Variants in OSBPL10 observed in about 807,000 individuals in gnomAD.
OSBPL10 encodes oxysterol binding protein like 10, also known as oxysterol-binding protein-related protein 10.
In OSBPL10, 49 loss-of-function variants were observed where a neutral mutation model predicts 81.7. The observed-to-expected ratio is 0.60, with a 90% CI of 0.48 to 0.76. The LOEUF is 0.76. OSBPL10 is among the 30% of genes least tolerant of loss of function. OSBPL10 has a pLI of 0.00. For synonymous variants in OSBPL10, 419 were observed against 383.6 expected (o/e 1.09, Z -1.08); for missense variants, 923 against 987.8 (o/e 0.93, Z 0.88).
intron 1 of OSBPL10, among the ~76,000 whole-genome samples, chr3:31,933,131 T>C (rs1298521777): frequency 1.3e-5 from 2 of 152,204 alleles, no homozygotes; most frequent in Admixed American, 6.5e-5. Flanking sequence ...ACTCCAGTTT[T>C]ACGCATGGAG....
chr3:31,974,354 T>G (rs908255516), intron 1 of OSBPL10, among the ~76,000 whole-genome samples: 1 of 152,200 alleles, frequency 6.6e-6, no homozygotes, highest in African/African-American at 2.4e-5. Flanking sequence ...TCTCTGCTAG[T>G]ATCTAATAAG....
chr3:31,857,305 C>T (rs1384869067), intron 3 of OSBPL10, among the ~76,000 whole-genome samples: 3 of 152,278 alleles, frequency 2.0e-5, no homozygotes, highest in East Asian at 3.9e-4. Context: ...GAGCATTAAA[C>T]TTTAAACACT....
At chr3:31,717,726 C>T (rs1361072040) in intron 6 of OSBPL10, among the ~76,000 whole-genome samples, 6 of 152,206 alleles carry the variant, frequency 3.9e-5, no homozygotes, top group African/African-American at 1.4e-4. Flanking sequence ...TACTTTTACT[C>T]AAATGTGAAA....
chr3:31,939,286 G>A lies in OSBPL10; in HGVS notation c.281+41613C>T, dbSNP rs143710938. Among the ~76,000 whole-genome samples the A allele has an allele frequency of 0.016, 2,374 of 150,844 alleles. 232 individuals are homozygous for A. The East Asian group carries it at 0.26, about 16-fold the overall frequency. On this transcript the variant is annotated intron_variant, in intron 1 of 11. Coordinates refer to ENST00000396556, the MANE Select transcript of OSBPL10 (RefSeq NM_017784.5). ...CAGCCTCCCGAGTAGCTGGGACTAC[G>A]GGCGCATGCCACCACACCCAGCTAA...
chr3:31,937,632 CCA>C (rs1697415101), intron 1 of OSBPL10, among the ~76,000 whole-genome samples: 1 of 152,164 alleles, frequency 6.6e-6, no homozygotes, highest in South Asian at 2.1e-4. Context: ...AATATCACAC[CCA>C]CAGTCCAAAA....
At chr3:31,735,707 T>C (rs1281078980) in intron 5 of OSBPL10, among the ~76,000 whole-genome samples, 1 of 152,124 alleles carries the variant, frequency 6.6e-6, no homozygotes, top group African/African-American at 2.4e-5. Context: ...GTCTCCTGTG[T>C]AGATCCAGGA....
intron 3 of OSBPL10, among the ~76,000 whole-genome samples, chr3:31,856,069 TACACACACACACACACACAC>T (rs10576489): frequency 5.1e-4 from 69 of 134,476 alleles, no homozygotes; most frequent in East Asian, 1.3e-3. Context: ...ATGTTTATAT[TACACACACACACACACACAC>T]ACACACACAC....
At chr3:31,681,699 C>A (rs566217675) in intron 8 of OSBPL10, among the ~76,000 whole-genome samples, 1 of 152,292 alleles carries the variant, frequency 6.6e-6, no homozygotes, top group East Asian at 1.9e-4. Context: ...ACTTCTCTGG[C>A]CACCCCTCAT....
chr3:31,881,355 A>G (rs548636542), intron 1 of OSBPL10, among the ~76,000 whole-genome samples: 1 of 152,358 alleles, frequency 6.6e-6, no homozygotes, highest in Non-Finnish European at 1.5e-5. Flanking sequence ...CGGGTCATAC[A>G]GTGAACTGAT....
chr3:31,850,255 G>A (rs190008000), intron 3 of OSBPL10, among the ~76,000 whole-genome samples: 2 of 152,076 alleles, frequency 1.3e-5, no homozygotes, highest in Non-Finnish European at 2.9e-5. Context: ...GATCTCTTAA[G>A]CCCAGGAGTT....
At position 31,804,704 on chromosome 3, in the gene OSBPL10, T is replaced by A. The variant is rs73059409; in HGVS notation, c.729+25336A>T. The stretch of plus-strand genomic sequence containing the variant: ...AAACGCGCTTCATGAGGACAAGATG[T>A]AATTTTACCAAAACACGAAGTGCTG... On this transcript the variant is annotated intron_variant, in intron 4 of 11. Transcript: ENST00000396556. Among the ~76,000 whole-genome samples, 724 of 152,362 alleles carry A rather than the reference T, an allele frequency of 4.8e-3. 5 individuals carry two copies. Among genetic ancestry groups the A allele is most frequent in the Non-Finnish European group, 7.9e-3 (539 of 68,034 alleles).
chr3:31,817,271 T>G (rs1017202487), intron 4 of OSBPL10, among the ~76,000 whole-genome samples: 1 of 152,104 alleles, frequency 6.6e-6, no homozygotes, highest in Non-Finnish European at 1.5e-5. Flanking sequence ...CAGGACTCTC[T>G]CTCCTGCTGC....
chr3:31,811,198 G>T (rs1699669449), intron 4 of OSBPL10, among the ~76,000 whole-genome samples: 3 of 152,072 alleles, frequency 2.0e-5, no homozygotes, highest in Non-Finnish European at 4.4e-5. Flanking sequence ...GGGGTGTGGG[G>T]GATGCTGGGG....
intron 2 of OSBPL10, among the ~76,000 whole-genome samples, chr3:32,025,011 G>GCT (rs1699391415): frequency 6.6e-6 from 1 of 152,024 alleles, no homozygotes; most frequent in African/African-American, 2.4e-5. Flanking sequence ...CATTATACTG[G>GCT]CTAGAACCTC....
chr3:31,842,819 C>A (rs564780235), intron 3 of OSBPL10, among the ~76,000 whole-genome samples: 4 of 152,090 alleles, frequency 2.6e-5, no homozygotes, highest in Admixed American at 6.5e-5. Context: ...AAAACTGATA[C>A]GGGAAGAGCA....
chr3:31,738,700 A>G (rs558504821), intron 5 of OSBPL10, among the ~76,000 whole-genome samples: 4 of 152,176 alleles, frequency 2.6e-5, no homozygotes, highest in Non-Finnish European at 2.9e-5. Flanking sequence ...AGGCATTAAG[A>G]ACTAGTAAGT....
chr3:31,662,010 CTACTACTT>C lies in OSBPL10; in HGVS notation c.*54_*61del. Reference sequence around the variant, plus strand: ...TGAATGCCAACAAAACCCTGATACTCTACTACTTTAATATTCCTACAAAAACAGGGCTA... The same window carrying C: ...TGAATGCCAACAAAACCCTGATACTCTAATATTCCTACAAAAACAGGGCTA... On this transcript the variant is annotated 3_prime_UTR_variant, in exon 12 of 12. Transcript: ENST00000396556. The C allele has an allele frequency of 6.3e-7, 1 of 1,595,452 alleles. No individual in the cohort carries two copies. Among genetic ancestry groups the C allele is most frequent in the Non-Finnish European group, 8.5e-7 (1 of 1,172,128 alleles).
At chr3:31,965,392 AAT>A (rs1366362119) in intron 1 of OSBPL10, among the ~76,000 whole-genome samples, 77 of 107,674 alleles carry the variant, frequency 7.2e-4, no homozygotes, top group Middle Eastern at 4.1e-3. Flanking sequence ...TATTATGTAT[AAT>A]ATATAATATA....
At chr3:32,021,492 C>G (rs1699364114) in intron 2 of OSBPL10, among the ~76,000 whole-genome samples, 1 of 152,206 alleles carries the variant, frequency 6.6e-6, no homozygotes, top group Non-Finnish European at 1.5e-5. Flanking sequence ...CTCCCTTACG[C>G]TCATGAATGC....
Sources: allele counts gnomAD v4.1 joint callset (sites outside exome capture counted in the v4.1 genomes callset), GRCh38; gene constraint gnomAD v4.1.1; transcripts MANE v1.5; gene names NCBI Gene and HGNC (gene_info 2026-07-23, HGNC 2026-07-21).